Variants in ABCA13 observed in about 807,000 individuals in gnomAD.
ABCA13 encodes ATP binding cassette subfamily A member 13.
In ABCA13, 476 loss-of-function variants were observed where a neutral mutation model predicts 478.7. That is an observed-to-expected ratio of 0.99 (90% CI 0.92 to 1.07). The LOEUF (loss-of-function observed/expected upper bound fraction) is 1.07, where lower values mean the gene tolerates loss of function less well. Among genes scored for constraint, ABCA13 ranks in the 50% least tolerant of loss-of-function variants. The probability of loss-of-function intolerance (pLI) is 0.00; values close to 1 mark genes in which losing one functional copy is unlikely to be tolerated. For synonymous variants in ABCA13, 2,252 were observed against 2,158.9 expected, an observed-to-expected ratio of 1.04 and a Z score of -1.20; for missense variants, 6,060 against 5,910.6, an observed-to-expected ratio of 1.03 and a Z score of -0.83.
At position 48,583,035 on chromosome 7, in the gene ABCA13, A is replaced by G. The variant is rs534562410; in HGVS notation, c.14505+2661A>G. Among the ~76,000 whole-genome samples the G allele has an allele frequency of 6.6e-5, 10 of 152,318 alleles. No individual in the cohort carries two copies. In the South Asian group the frequency reaches 1.7e-3, roughly 25 times the overall value. On this transcript the variant is annotated intron_variant, in intron 56 of 61. Transcript: ENST00000435803. ...GCTAGGTAGTTTCAATGTTAGTGTC[A>G]TACCATAACAAACAACCAGTACTTC...
chr7:48,540,831 T>C (rs1241912714), intron 55 of ABCA13, among the ~76,000 whole-genome samples: 1 of 152,150 alleles, frequency 6.6e-6, no homozygotes, highest in Non-Finnish European at 1.5e-5. Context: ...GATATACTGA[T>C]AGTTGTCTCA....
chr7:48,481,893 A>G (rs971681386), intron 46 of ABCA13, among the ~76,000 whole-genome samples: 4 of 152,156 alleles, frequency 2.6e-5, no homozygotes, highest in African/African-American at 9.7e-5. Context: ...GAATGAGTGT[A>G]TTCAGTTGAG....
At chr7:48,194,854 T>C (rs1279830335) in intron 2 of ABCA13, among the ~76,000 whole-genome samples, 2 of 184 alleles carry the variant, frequency 0.011, no homozygotes, top group Admixed American at 0.17. Context: ...GGGTTTCTAC[T>C]TTATTATTAT....
At chr7:48,315,999 T>G (rs1416354630) in intron 26 of ABCA13, among the ~76,000 whole-genome samples, 1 of 152,224 alleles carries the variant, frequency 6.6e-6, no homozygotes, top group East Asian at 1.9e-4. Context: ...TCATTTTAAA[T>G]GTTCTCTTGA....
intron 47 of ABCA13, among the ~76,000 whole-genome samples, chr7:48,487,936 AC>A (rs1829492762): frequency 6.6e-6 from 1 of 152,188 alleles, no homozygotes; most frequent in Non-Finnish European, 1.5e-5. Context: ...CTTGGAATTT[AC>A]CCTACTTTGG....
chr7:48,526,109 G>T (rs1251945430), intron 54 of ABCA13, among the ~76,000 whole-genome samples: 1 of 152,044 alleles, frequency 6.6e-6, no homozygotes, highest in Non-Finnish European at 1.5e-5. Context: ...GGTAATTTTT[G>T]TACTGAAAAA....
intron 39 of ABCA13, 24 bp from the exon 40 acceptor site, chr7:48,410,496 G>C (rs1332014201): frequency 1.9e-6 from 3 of 1,613,786 alleles, no homozygotes; most frequent in Non-Finnish European, 2.5e-6. Context: ...TCCTGGTGCT[G>C]ATGCACCCTG....
intron 41 of ABCA13, among the ~76,000 whole-genome samples, chr7:48,418,333 T>TATGGAA (rs1820308850): frequency 6.6e-6 from 1 of 152,252 alleles, no homozygotes; most frequent in South Asian, 2.1e-4. Flanking sequence ...TTGTTCCATA[T>TATGGAA]TCTTGCCAAC....
At chr7:48,325,449 C>CT (rs960587962) in intron 27 of ABCA13, among the ~76,000 whole-genome samples, 15 of 151,884 alleles carry the variant, frequency 9.9e-5, no homozygotes, top group African/African-American at 2.9e-4. Flanking sequence ...TCCCAAGAGG[C>CT]TTTTTTTTCT....
In ABCA13 at chr7:48,342,511, C is replaced by T. The variant is rs183308720; in HGVS notation, c.10204+4056C>T. 5.8e-3 allele frequency among the ~76,000 whole-genome samples: 888 copies of T among 152,136 alleles called. 5 individuals are homozygous for T. Among genetic ancestry groups the T allele is most frequent in the African/African-American group, 0.02 (846 of 41,524 alleles). ...CTTCCAGCCTCTCCCCCTTCTTTTA[C>T]TTCTTTATTTCTTTCCGGAAGTTTT... is the stretch of plus-strand genomic sequence containing the variant. On this transcript the variant is annotated intron_variant, in intron 29 of 61. Transcript: ENST00000435803.
chr7:48,463,831 C>T (rs1026806157), intron 43 of ABCA13, among the ~76,000 whole-genome samples: 7 of 150,812 alleles, frequency 4.6e-5, no homozygotes, highest in South Asian at 2.1e-4. Context: ...CTGAACGGAA[C>T]GGAACGGAAA....
At chr7:48,577,018 A>G (rs1788251368) in intron 55 of ABCA13, among the ~76,000 whole-genome samples, 1 of 152,194 alleles carries the variant, frequency 6.6e-6, no homozygotes, top group African/African-American at 2.4e-5. Flanking sequence ...AAATTACAAA[A>G]ATTAAGCTTC....
chr7:48,205,060 G>C (rs537226487), intron 3 of ABCA13, among the ~76,000 whole-genome samples: 31 of 152,226 alleles, frequency 2.0e-4, no homozygotes, highest in Non-Finnish European at 3.5e-4. Flanking sequence ...GCCTAGGCAT[G>C]TCTCTTGATG....
At chr7:48,532,425 C>T (rs912434339) in intron 55 of ABCA13, among the ~76,000 whole-genome samples, 1 of 151,968 alleles carries the variant, frequency 6.6e-6, no homozygotes, top group African/African-American at 2.4e-5. Context: ...ATTTTTTCAT[C>T]TATGTTCATT....
chr7:48,201,259 C>A (rs1798663540), intron 3 of ABCA13, among the ~76,000 whole-genome samples: 1 of 152,196 alleles, frequency 6.6e-6, no homozygotes, highest in African/African-American at 2.4e-5. Flanking sequence ...TTTATCTGGA[C>A]TGAAATGGGT....
chr7:48,387,904 G>A lies in ABCA13; in HGVS notation c.11418G>A (p.Arg3806=), dbSNP rs61737756. Residue 3806 remains arginine (R), a synonymous_variant, in exon 36 of 62, where the codon AGG becomes AGA. Coordinates refer to ENST00000435803, the MANE Select transcript of ABCA13 (RefSeq NM_152701.5). ...WKSVGFLVEK[R]QYFLSSSLFF... is the part of the protein sequence containing the mutation. ...GTGTGGGTTTCTTGGTGGAGAAAAG[G>A]CAATACTTTCTAAGTTCTAGTCTGT... 6,466 of 1,612,368 alleles carry A rather than the reference G, an allele frequency of 4.0e-3. 399 individuals are homozygous for A. In the Admixed American group the frequency reaches 0.1, roughly 26 times the overall value.
intron 55 of ABCA13, among the ~76,000 whole-genome samples, chr7:48,564,709 G>T (rs6977997): frequency 1.3e-5 from 2 of 151,482 alleles, no homozygotes; most frequent in Admixed American, 1.3e-4. Flanking sequence ...TAGAAAATAC[G>T]TTAGAAAAAT....
At chr7:48,470,622 T>G (rs576755637) in intron 44 of ABCA13, among the ~76,000 whole-genome samples, 1 of 152,310 alleles carries the variant, frequency 6.6e-6, no homozygotes, top group Non-Finnish European at 1.5e-5. Context: ...TTTCAAAAAT[T>G]ACGTAGACAT....
Position 48,198,334 on chromosome 7 carries a change from T to A in ABCA13, c.261T>A (p.Tyr87Ter). ...NTGSRCRNFS[Y>*]EGSMEHHFRL... ...GATCAAGGTGTAGGAACTTCAGCTA[T>A]GAAGGGTCAATGGAGCATCATTTTC... The change falls in exon 3 of 62, where the codon TAT becomes TAA. Residue 87 changes from tyrosine to a stop codon, truncating the protein, a stop_gained. Transcript: ENST00000435803. LOFTEE classifies it high-confidence loss of function. 6.2e-7 allele frequency: 1 copy of A among 1,613,872 alleles called. No homozygotes were observed. The highest frequency in any genetic ancestry group is 8.5e-7 in the Non-Finnish European group (1 of 1,179,836).
Sources: allele counts gnomAD v4.1 joint callset (sites outside exome capture counted in the v4.1 genomes callset), GRCh38; gene constraint gnomAD v4.1.1; transcripts MANE v1.5; gene names NCBI Gene and HGNC (gene_info 2026-07-23, HGNC 2026-07-21).